Variants in ASAP1 observed in about 807,000 individuals in gnomAD.
The protein encoded by ASAP1 is arf-GAP with SH3 domain, ANK repeat and PH domain-containing protein 1.
Under a neutral mutation model 145.2 loss-of-function variants are expected in ASAP1, and 43 were observed. The observed-to-expected ratio is 0.30, with a 90% confidence interval of 0.23 to 0.38. ASAP1 has a LOEUF of 0.38. ASAP1 is among the 10% of genes least tolerant of loss of function. The pLI, the probability that ASAP1 is intolerant of heterozygous loss-of-function variation, is 1.00. For missense variants in ASAP1, 1,018 were observed against 1,355.3 expected (o/e 0.75, Z 3.91); for synonymous variants, 546 against 515.5 (o/e 1.06, Z -0.80).
chr8:130,134,238 A>G lies in ASAP1; in HGVS notation c.1217+58T>C. ...AAAAGAAAATGTTGATGTGTATTGT[A>G]AACAGAGAGGTGCTTTTTCAATCCA... On this transcript the variant is annotated intron_variant, in intron 15 of 29. Coordinates refer to ENST00000518721, the MANE Select transcript of ASAP1 (RefSeq NM_018482.4). 5.9e-6 allele frequency: 8 copies of G among 1,347,506 alleles called. No homozygotes were observed. In the Admixed American group the frequency reaches 1.6e-4, roughly 27 times the overall value. 83.5% of individuals were successfully genotyped at this position (1,347,506 alleles called of 1,614,324 possible). A position where few individuals can be genotyped will look rare whatever the true frequency, so the allele number is the denominator to read the frequency against.
chr8:130,124,600 A>G (rs1255707707), intron 17 of ASAP1, among the ~76,000 whole-genome samples: 1 of 152,228 alleles, frequency 6.6e-6, no homozygotes, highest in African/African-American at 2.4e-5. Context: ...ACAGATTAAG[A>G]TGCTGCAGGC....
intron 3 of ASAP1, among the ~76,000 whole-genome samples, chr8:130,304,859 CA>C (rs1822896147): frequency 6.6e-6 from 1 of 152,154 alleles, no homozygotes. Context: ...ACAAAACAAA[CA>C]AATGGAAAAC....
At chr8:130,070,588 C>T (rs1008859412) in intron 27 of ASAP1, among the ~76,000 whole-genome samples, 2 of 152,016 alleles carry the variant, frequency 1.3e-5, no homozygotes, top group East Asian at 2.0e-4. Flanking sequence ...CTCCCAGCAA[C>T]AACTACTGGG....
intron 1 of ASAP1, among the ~76,000 whole-genome samples, chr8:130,416,846 TC>T (rs1829496178): frequency 6.6e-6 from 1 of 152,194 alleles, no homozygotes; most frequent in Non-Finnish European, 1.5e-5. Flanking sequence ...GCATCAGACT[TC>T]CCATTCTGGT....
chr8:130,265,997 C>T (rs934289223), intron 3 of ASAP1, among the ~76,000 whole-genome samples: 2 of 152,204 alleles, frequency 1.3e-5, no homozygotes, highest in Non-Finnish European at 1.5e-5. Context: ...GATTTTGCCA[C>T]AGCCCTTTTC....
rs2097559502 is a variant in ASAP1 at position 130,118,209 on chromosome 8, G to A, written c.1832C>T (p.Thr611Ile). 3 of 1,614,016 alleles carry A rather than the reference G, an allele frequency of 1.9e-6. No individual in the cohort carries two copies. Among genetic ancestry groups the A allele is most frequent in the Admixed American group, 3.3e-5 (2 of 60,018 alleles). ...CAAATGGAGAGATGTCTGATCTGCA[G>A]TTCGGACGGCAAGGTGAAGGGCTGT... is the stretch of plus-strand genomic sequence containing the variant. ...GETALHLAVRTADQTSLHLVD... is the reference protein window; with the variant it reads ...GETALHLAVRIADQTSLHLVD... Residue 611 changes from threonine (T) to isoleucine (I), a missense_variant, in exon 20 of 30, where the codon ACT (threonine) becomes ATT (isoleucine). Physicochemically the swap from Thr to Ile is moderately conservative, Grantham distance 89. Coordinates refer to ENST00000518721, the MANE Select transcript of ASAP1 (RefSeq NM_018482.4).
chr8:130,346,750 C>T (rs2137993221), intron 3 of ASAP1, among the ~76,000 whole-genome samples: 1 of 144,946 alleles, frequency 6.9e-6, no homozygotes, highest in East Asian at 1.9e-4. Flanking sequence ...AGTGTATTCA[C>T]TTGCCTTGCT....
intron 7 of ASAP1, 92 bp downstream of exon 7, chr8:130,187,144 G>T: frequency 9.1e-7 from 1 of 1,102,376 alleles, no homozygotes; most frequent in Non-Finnish European, 1.3e-6. Context: ...TAAGGGCTCT[G>T]TCCTTTTTCC....
intron 4 of ASAP1, among the ~76,000 whole-genome samples, chr8:130,217,567 T>C (rs1044401091): frequency 7.0e-5 from 8 of 113,838 alleles, no homozygotes; most frequent in African/African-American, 2.2e-4. Flanking sequence ...CACAGATCTT[T>C]TCCTACCACC....
At chr8:130,068,465 G>C (rs1220581758) in intron 27 of ASAP1, among the ~76,000 whole-genome samples, 1 of 152,230 alleles carries the variant, frequency 6.6e-6, no homozygotes, top group Non-Finnish European at 1.5e-5. Flanking sequence ...GTTTCATTCT[G>C]TAGATCAGTA....
chr8:130,358,167 G>A lies in ASAP1; in HGVS notation c.60-24C>T. The A allele has an allele frequency of 6.3e-7, 1 of 1,585,212 alleles. No homozygotes were observed. The highest frequency in any genetic ancestry group is 8.6e-7 in the Non-Finnish European group (1 of 1,167,784). ...TCCTGCCGGGAGGGACGAGACACAAGCGGGGGCGGGGGGTGAGTCACGGCG... is the reference window on the plus strand; with the variant it reads ...TCCTGCCGGGAGGGACGAGACACAAACGGGGGCGGGGGGTGAGTCACGGCG... On this transcript the variant is annotated intron_variant, in intron 2 of 29. Coordinates refer to ENST00000518721, the MANE Select transcript of ASAP1 (RefSeq NM_018482.4). This position sits in a 1 kb window ranked among gnomAD's most constrained non-coding sequence, Gnocchi z 4.1.
chr8:130,198,219 G>A (rs1272466137), intron 5 of ASAP1, among the ~76,000 whole-genome samples: 1 of 151,526 alleles, frequency 6.6e-6, no homozygotes, highest in Non-Finnish European at 1.5e-5. Flanking sequence ...CTGCCTCCTG[G>A]GTTCAAGCGA....
At chr8:130,148,356 T>C (rs940314421) in intron 13 of ASAP1, among the ~76,000 whole-genome samples, 1 of 152,228 alleles carries the variant, frequency 6.6e-6, no homozygotes, top group Non-Finnish European at 1.5e-5. Context: ...TGCAGTCTCA[T>C]TAGAAAAGTA....
At chr8:130,067,274 G>A (rs182689042) in intron 27 of ASAP1, among the ~76,000 whole-genome samples, 2 of 152,302 alleles carry the variant, frequency 1.3e-5, no homozygotes, top group East Asian at 1.9e-4. Context: ...AGAGTTAGAT[G>A]AGTGGTGGTC....
At chr8:130,255,088 T>A (rs554423808) in intron 3 of ASAP1, among the ~76,000 whole-genome samples, 1 of 152,244 alleles carries the variant, frequency 6.6e-6, no homozygotes, top group South Asian at 2.1e-4. Context: ...ATTCAGTTTT[T>A]AAAAAATTAT....
intron 3 of ASAP1, among the ~76,000 whole-genome samples, chr8:130,354,390 A>G (rs1207747508): frequency 6.6e-6 from 1 of 152,214 alleles, no homozygotes; most frequent in Non-Finnish European, 1.5e-5. Context: ...CAGCTGCTCA[A>G]TAAATGAGCA....
intron 25 of ASAP1, among the ~76,000 whole-genome samples, chr8:130,085,629 G>A (rs2097491017): frequency 6.6e-6 from 1 of 151,674 alleles, no homozygotes. Flanking sequence ...AAGTTACTTG[G>A]GAGGCTGAGA....
chr8:130,117,122 T>C lies in ASAP1; in HGVS notation c.1881-127A>G, dbSNP rs1592840088. On this transcript the variant is annotated intron_variant, in intron 20 of 29. Transcript: ENST00000518721. ...ACCTAATTATTATAATAGAGAAAATTATGATGTTTCTAACCTAGATTTATA... is the reference window on the plus strand; with the variant it reads ...ACCTAATTATTATAATAGAGAAAATCATGATGTTTCTAACCTAGATTTATA... 8.1e-6 allele frequency: 5 copies of C among 618,392 alleles called. No homozygotes were observed. In the East Asian group the frequency reaches 1.4e-4, roughly 17 times the overall value. The allele number at this position is 618,392 out of a possible 1,614,324, so 38.3% of individuals were successfully genotyped here. A position where few individuals can be genotyped will look rare whatever the true frequency, so the allele number is the denominator to read the frequency against.
intron 3 of ASAP1, among the ~76,000 whole-genome samples, chr8:130,251,116 A>G (rs914086313): frequency 6.6e-6 from 1 of 152,210 alleles, no homozygotes; most frequent in Non-Finnish European, 1.5e-5. Context: ...CCAATATAGA[A>G]CACTAAATTT....
Sources: allele counts gnomAD v4.1 joint callset (sites outside exome capture counted in the v4.1 genomes callset), GRCh38; gene constraint gnomAD v4.1.1; non-coding constraint Gnocchi (gnomAD v3.1); transcripts MANE v1.5; gene names NCBI Gene and HGNC (gene_info 2026-07-23, HGNC 2026-07-21).